PRMT3: variants seen among roughly 807,000 people sequenced by gnomAD.
PRMT3 encodes protein arginine methyltransferase 3.
PRMT3 carries 62 observed loss-of-function variants against 71.9 expected under a neutral mutation model. The observed-to-expected ratio is 0.86, with a 90% CI of 0.70 to 1.07. The LOEUF (loss-of-function observed/expected upper bound fraction) is 1.07, where lower values mean the gene tolerates loss of function less well. Ranked by LOEUF, PRMT3 falls within the 50% of genes least tolerant of loss-of-function variation. The pLI, the probability that PRMT3 is intolerant of heterozygous loss-of-function variation, is 0.00. For synonymous variants in PRMT3, 213 were observed against 220.4 expected (o/e 0.97, Z 0.30); for missense variants, 663 against 643.0 (o/e 1.03, Z -0.34).
intron 10 of PRMT3, among the ~76,000 whole-genome samples, chr11:20,442,620 C>T (rs1470450385): frequency 6.6e-6 from 1 of 152,102 alleles, no homozygotes; most frequent in Non-Finnish European, 1.5e-5. Context: ...AGAGATATTT[C>T]TCATTCCTTT....
At chr11:20,422,197 A>G (rs1462987065) in intron 9 of PRMT3, among the ~76,000 whole-genome samples, 1 of 152,188 alleles carries the variant, frequency 6.6e-6, no homozygotes, top group Non-Finnish European at 1.5e-5. Context: ...CTGATTGTTA[A>G]TTCTGAGAAT....
chr11:20,479,862 G>T (rs1281179305), intron 13 of PRMT3, among the ~76,000 whole-genome samples: 1 of 152,000 alleles, frequency 6.6e-6, no homozygotes, highest in African/African-American at 2.4e-5. Context: ...ATGTTGACAT[G>T]TTCACCAAAA....
chr11:20,426,399 C>T (rs1849546698), intron 9 of PRMT3, among the ~76,000 whole-genome samples: 1 of 152,186 alleles, frequency 6.6e-6, no homozygotes. Context: ...TCTCTCACCC[C>T]TATGACAGAC....
At chr11:20,402,775 T>C in intron 7 of PRMT3, 144 bp from the exon 8 acceptor site, 1 of 587,184 alleles carries the variant, frequency 1.7e-6, no homozygotes, top group Non-Finnish European at 3.0e-6. Flanking sequence ...ATTGTTTTCT[T>C]AGGAAAAAAA....
At chr11:20,389,616 TTTC>T (rs1848668409) in intron 2 of PRMT3, 125 bp from the exon 3 acceptor site, 2 of 569,958 alleles carry the variant, frequency 3.5e-6, no homozygotes, top group East Asian at 6.0e-5. Context: ...GTGTTTGTTT[TTTC>T]TTAATTGGAA....
chr11:20,495,106 G>T (rs1851302347), intron 15 of PRMT3, among the ~76,000 whole-genome samples: 1 of 151,940 alleles, frequency 6.6e-6, no homozygotes, highest in South Asian at 2.1e-4. Context: ...TCAGCTCACT[G>T]CAACCTCCAC....
rs968943744 is a variant in PRMT3 at position 20,395,991 on chromosome 11, GT to G, written c.560+33del. 3 of 1,607,150 alleles carry G rather than the reference GT, an allele frequency of 1.9e-6. No homozygotes were observed. The African/African-American group carries it at 4.0e-5, about 22-fold the overall frequency. ...ATTTATCAATCTTGCAAAATTAATTGTTTTAGATCTCCAGAATAATACAACC... is the reference window on the plus strand; with the variant it reads ...ATTTATCAATCTTGCAAAATTAATTGTTTAGATCTCCAGAATAATACAACC... On this transcript the variant is annotated intron_variant, in intron 6 of 15. Coordinates refer to ENST00000331079, the MANE Select transcript of PRMT3 (RefSeq NM_005788.4).
intron 12 of PRMT3, among the ~76,000 whole-genome samples, chr11:20,463,606 T>TA (rs35053983): frequency 0.019 from 2,934 of 151,800 alleles, 93 homozygotes; most frequent in African/African-American, 0.065. Flanking sequence ...TTTAAGTAAA[T>TA]AGTTTGTTCT....
chr11:20,404,223 T>TTTTG (rs1565196811), intron 8 of PRMT3, among the ~76,000 whole-genome samples: 7 of 83,528 alleles, frequency 8.4e-5, no homozygotes, highest in African/African-American at 3.4e-4. Flanking sequence ...TTTTTTTTTT[T>TTTTG]TTTTTTTTTT....
At chr11:20,507,878 G>A (rs374875439) in intron 15 of PRMT3, among the ~76,000 whole-genome samples, 13 of 151,718 alleles carry the variant, frequency 8.6e-5, no homozygotes, top group South Asian at 6.3e-4. Flanking sequence ...AGGCTGAGGC[G>A]GGTGGATCAC....
At chr11:20,423,165 T>C (rs1849464311) in intron 9 of PRMT3, among the ~76,000 whole-genome samples, 1 of 152,186 alleles carries the variant, frequency 6.6e-6, no homozygotes, top group African/African-American at 2.4e-5. Flanking sequence ...CATATGTCCA[T>C]TCACTTCTCT....
At chr11:20,392,618 C>CTT (rs1848739316) in intron 4 of PRMT3, among the ~76,000 whole-genome samples, 1 of 140,972 alleles carries the variant, frequency 7.1e-6, no homozygotes, top group African/African-American at 2.6e-5. Flanking sequence ...TTTTCAGATA[C>CTT]TTTGTTTTTT....
intron 9 of PRMT3, among the ~76,000 whole-genome samples, chr11:20,411,056 GCA>G (rs1395981862): frequency 6.6e-6 from 1 of 152,034 alleles, no homozygotes; most frequent in Non-Finnish European, 1.5e-5. Flanking sequence ...AGCTAAGTAA[GCA>G]CATAACTAAA....
chr11:20,475,254 C>T (rs1245810427), intron 13 of PRMT3, among the ~76,000 whole-genome samples: 1 of 152,158 alleles, frequency 6.6e-6, no homozygotes. Context: ...TATCCTTTAA[C>T]AAGAAGGGAA....
chr11:20,428,551 T>C (rs1849592875), intron 10 of PRMT3, among the ~76,000 whole-genome samples: 1 of 152,382 alleles, frequency 6.6e-6, no homozygotes, highest in Admixed American at 6.5e-5. Flanking sequence ...GCAATTGATA[T>C]CTTAGAGCCA....
In PRMT3 at chr11:20,509,249, T is replaced by C. The variant is rs1851669983; in HGVS notation, c.*836T>C. ...TACTGATTCAATTTGAAATGTAGAA[T>C]AAAATTTTAATAAAATGTATCAACT... is the stretch of plus-strand genomic sequence containing the variant. On this transcript the variant is annotated 3_prime_UTR_variant, in exon 16 of 16. Coordinates refer to ENST00000331079, the MANE Select transcript of PRMT3 (RefSeq NM_005788.4). The C allele has an allele frequency of 2.2e-5, 3 of 135,450 alleles. No homozygotes were observed. In the Admixed American group the frequency reaches 2.4e-4, roughly 11 times the overall value. 8.4% of individuals were successfully genotyped at this position (135,450 alleles called of 1,614,324 possible).
intron 11 of PRMT3, among the ~76,000 whole-genome samples, 156 bp downstream of exon 11, chr11:20,452,364 A>G (rs1175406458): frequency 6.6e-6 from 1 of 152,166 alleles, no homozygotes; most frequent in African/African-American, 2.4e-5. Context: ...TGTTTACTAT[A>G]TTGTTGAAAG....
At chr11:20,398,844 A>G (rs1848889164) in intron 7 of PRMT3, among the ~76,000 whole-genome samples, 1 of 152,216 alleles carries the variant, frequency 6.6e-6, no homozygotes. Context: ...TTTGTGAAGT[A>G]TTCTCTATGA....
intron 13 of PRMT3, among the ~76,000 whole-genome samples, chr11:20,478,352 A>C (rs1251407203): frequency 6.6e-6 from 1 of 152,206 alleles, no homozygotes; most frequent in Non-Finnish European, 1.5e-5. Context: ...GTTCAGAAAT[A>C]AAGTTAGGAA....
Sources: gnomAD v4.1 joint callset for allele counts (sites outside exome capture counted in the v4.1 genomes callset) on GRCh38, gnomAD v4.1.1 for gene constraint, MANE v1.5 for transcripts, NCBI Gene and HGNC (gene_info 2026-07-23, HGNC 2026-07-21) for gene names.